The following PSG5 variants were observed in gnomAD, a reference collection of about 807,000 sequenced individuals.
The protein encoded by PSG5 is pregnancy specific beta-1-glycoprotein 5.
A neutral mutation model predicts 37.7 loss-of-function variants in PSG5; 53 were observed. The observed-to-expected ratio is 1.41, with a 90% CI of 1.13 to 1.77. The LOEUF (loss-of-function observed/expected upper bound fraction) is 1.77. Among genes scored for constraint, PSG5 ranks in the 40% most tolerant of loss-of-function variants. The probability of loss-of-function intolerance (pLI) is 0.00; values close to 1 mark genes in which losing one functional copy is unlikely to be tolerated. For synonymous variants in PSG5, 221 were observed against 155.4 expected, an observed-to-expected ratio of 1.42 and a Z score of -3.14; for missense variants, 547 against 405.2, an observed-to-expected ratio of 1.35 and a Z score of -3.00.
chr19:43,179,799 A>G (rs1969090043), intron 2 of PSG5, among the ~76,000 whole-genome samples: 1 of 151,738 alleles, frequency 6.6e-6, no homozygotes, highest in Non-Finnish European at 1.5e-5. Flanking sequence ...TTCTAAAGAT[A>G]GAGCAGAGTC....
intron 2 of PSG5, among the ~76,000 whole-genome samples, chr19:43,176,948 T>C (rs1205043601): frequency 1.3e-5 from 2 of 151,636 alleles, no homozygotes; most frequent in Non-Finnish European, 2.9e-5. Context: ...TTTCCAGAAA[T>C]ACATGTGGAT....
chr19:43,183,909 C>A (rs1969186313), intron 2 of PSG5, among the ~76,000 whole-genome samples: 2 of 103,616 alleles, frequency 1.9e-5, no homozygotes, highest in Admixed American at 1.8e-4. Flanking sequence ...GGCAAATGGA[C>A]TGTGGATTTT....
intron 2 of PSG5, among the ~76,000 whole-genome samples, chr19:43,176,656 T>A (rs528543452): frequency 1.3e-5 from 2 of 151,194 alleles, no homozygotes; most frequent in East Asian, 3.9e-4. Context: ...TGGGACTGGA[T>A]GTTTCAGCAG....
chr19:43,181,744 T>A (rs1477429911), intron 2 of PSG5, among the ~76,000 whole-genome samples: 2 of 151,838 alleles, frequency 1.3e-5, no homozygotes, highest in African/African-American at 2.4e-5. Context: ...TGAGCCACTG[T>A]GCCCAGCCAT....
At chr19:43,184,532 C>T (rs1969200968) in intron 2 of PSG5, among the ~76,000 whole-genome samples, 1 of 151,510 alleles carries the variant, frequency 6.6e-6, no homozygotes, top group South Asian at 2.1e-4. Context: ...CTGATCTCCT[C>T]CTGCTGAGTC....
In PSG5 at chr19:43,185,753, A is replaced by C. The variant is rs757724340; in HGVS notation, c.64+589T>G. On this transcript the variant is annotated intron_variant, in intron 1 of 5. Transcript: ENST00000342951. The stretch of plus-strand genomic sequence containing the variant: ...ACCCTTGGTGTTTTATTTTCCCCCA[A>C]TTGTTGAGGATTTTGCTGAGGACAG... 5.3e-5 allele frequency among the ~76,000 whole-genome samples: 8 copies of C among 151,346 alleles called. 1 individual carries two copies. Among genetic ancestry groups the C allele is most frequent in the Admixed American group, 1.3e-4 (2 of 15,158 alleles).
At chr19:43,174,484 T>A (rs1968963725) in intron 4 of PSG5, 1 of 758,228 alleles carries the variant, frequency 1.3e-6, no homozygotes, top group East Asian at 1.3e-4. Context: ...CTATCCTCCG[T>A]GCTGTGTCCC....
At chr19:43,178,186 A>C (rs1454139863) in intron 2 of PSG5, among the ~76,000 whole-genome samples, 2 of 151,712 alleles carry the variant, frequency 1.3e-5, no homozygotes, top group South Asian at 2.1e-4. Context: ...GATAGACTTC[A>C]CTGGAAAACA....
chr19:43,173,473 C>T (rs931361516), intron 4 of PSG5, among the ~76,000 whole-genome samples: 15 of 151,546 alleles, frequency 9.9e-5, no homozygotes, highest in African/African-American at 3.4e-4. Flanking sequence ...AAATTAATTT[C>T]CAGAATACAT....
At chr19:43,182,518 A>G (rs1465458574) in intron 2 of PSG5, among the ~76,000 whole-genome samples, 1 of 151,098 alleles carries the variant, frequency 6.6e-6, no homozygotes, top group Non-Finnish European at 1.5e-5. Context: ...CTCTGCCCAC[A>G]TGATTCCATC....
In PSG5 at chr19:43,170,089, C is replaced by G. The variant is rs200992638; in HGVS notation, c.*6G>C. Reference sequence around the variant, plus strand: ...TTCCTGAAATACAGAAATGACTTCACGGCTGCTATATTGGATTAAGGAGAG... The same window carrying G: ...TTCCTGAAATACAGAAATGACTTCAGGGCTGCTATATTGGATTAAGGAGAG... On this transcript the variant is annotated 3_prime_UTR_variant, in exon 5 of 6. Coordinates refer to ENST00000342951, the MANE Select transcript of PSG5 (RefSeq NM_002781.4). The G allele has an allele frequency of 2.8e-5, 44 of 1,578,374 alleles. No individual in the cohort carries two copies. The East Asian group carries it at 8.4e-4, about 30-fold the overall frequency.
intron 2 of PSG5, among the ~76,000 whole-genome samples, chr19:43,182,499 A>G (rs917123452): frequency 3.3e-5 from 5 of 151,322 alleles, no homozygotes; most frequent in African/African-American, 1.2e-4. Flanking sequence ...GCACAAACAG[A>G]TCATTTCCCT....
intron 1 of PSG5, among the ~76,000 whole-genome samples, chr19:43,186,039 C>G (rs974269622): frequency 4.6e-5 from 7 of 150,962 alleles, no homozygotes; most frequent in African/African-American, 1.5e-4. Context: ...TGCAGTGGTG[C>G]TATCTCGGCT....
At position 43,175,352 on chromosome 19, in the gene PSG5, T is replaced by C. The variant is rs537675354; in HGVS notation, c.827A>G (p.Asn276Ser). ...NPPAEYFWTINGKFQQSGQKL... is the reference protein window; with the variant it reads ...NPPAEYFWTISGKFQQSGQKL... ...TTGTCCTGATTGCTGAAACTTCCCA[T>C]TAATTGTCCAAAAATACTCTGCCGG... Residue 276 changes from asparagine (N) to serine (S), a missense_variant, in exon 4 of 6, where the codon AAT (asparagine) becomes AGT (serine). Transcript: ENST00000342951. 164 of 1,612,810 alleles carry C rather than the reference T, an allele frequency of 1.0e-4. 5 individuals carry two copies. In the South Asian group the frequency reaches 1.5e-3, roughly 15 times the overall value.
Position 43,175,947 on chromosome 19 carries a change from T to C in PSG5, c.632A>G (p.Glu211Gly), listed in dbSNP as rs1969000383. 6.2e-7 allele frequency: 1 copy of C among 1,612,388 alleles called. No homozygotes were observed. The highest frequency in any genetic ancestry group is 8.5e-7 in the Non-Finnish European group (1 of 1,179,182). Reference protein sequence around the residue: ...ILILPSVTRNETGPYECEIRD... With the variant: ...ILILPSVTRNGTGPYECEIRD... ...TATTTCACATTCATAGGGTCCTGTT[T>C]CATTTCTCGTGACACTGGGTAGAAT... The change falls in exon 3 of 6, where the codon GAA becomes GGA. Residue 211 changes from glutamate to glycine, a missense_variant. Coordinates refer to ENST00000342951, the MANE Select transcript of PSG5 (RefSeq NM_002781.4).
At chr19:43,174,657 C>A in intron 4 of PSG5, 1 of 981,598 alleles carries the variant, frequency 1.0e-6, no homozygotes, top group African/African-American at 1.7e-5. Flanking sequence ...GGACAGGCCA[C>A]CAGGACTCTT....
rs77898922 is a variant in PSG5 at position 43,185,439 on chromosome 19, C to A, written c.65-292G>T. Among the ~76,000 whole-genome samples, 156 of 149,816 alleles carry A rather than the reference C, an allele frequency of 1.0e-3. 1 individual carries two copies. Among genetic ancestry groups the A allele is most frequent in the African/African-American group, 3.2e-3 (128 of 40,490 alleles). On this transcript the variant is annotated intron_variant, in intron 1 of 5. Transcript: ENST00000342951. ...AGGGGTCCACACGGCACCCCCCCCC[C>A]CCCACACTGCCCTCAGGTCCTGCTC...
At chr19:43,174,618 C>G (rs1370430255) in intron 4 of PSG5, 5 of 975,636 alleles carry the variant, frequency 5.1e-6, no homozygotes, top group South Asian at 9.4e-5. Context: ...GGCTTGGCTT[C>G]AACTGGCAGC....
chr19:43,177,157 G>A (rs1454322233), intron 2 of PSG5, among the ~76,000 whole-genome samples: 1 of 151,592 alleles, frequency 6.6e-6, no homozygotes, highest in Non-Finnish European at 1.5e-5. Context: ...GGATTCCAGA[G>A]TGAATATGAG....
Sources: gnomAD v4.1 joint callset for allele counts (sites outside exome capture counted in the v4.1 genomes callset) on GRCh38, gnomAD v4.1.1 for gene constraint, MANE v1.5 for transcripts, NCBI Gene and HGNC (gene_info 2026-07-23, HGNC 2026-07-21) for gene names.